COL23A1: variants seen among roughly 807,000 people sequenced by gnomAD.
COL23A1 encodes the protein collagen alpha-1(XXIII) chain.
Under a neutral mutation model 99.3 loss-of-function variants are expected in COL23A1, and 97 were observed. The ratio of observed to expected loss-of-function variants is 0.98; its 90% CI spans 0.83 to 1.16. COL23A1 has a LOEUF of 1.16. COL23A1 is among the 50% of genes most tolerant of loss of function. COL23A1 has a pLI of 0.00. For missense variants in COL23A1, 762 were observed against 757.4 expected, an observed-to-expected ratio of 1.01 and a Z score of -0.07; for synonymous variants, 320 against 308.2, an observed-to-expected ratio of 1.04 and a Z score of -0.40.
At chr5:178,246,568 C>A (rs1013550464) in intron 22 of COL23A1, 115 bp from the exon 23 acceptor site, 1 of 1,058,306 alleles carries the variant, frequency 9.4e-7, no homozygotes, top group Non-Finnish European at 1.4e-6. Context: ...GATCGAGGCT[C>A]CCCCAGGCCT....
At chr5:178,487,288 T>TTTTTTTTTTTTTTTTA (rs773272887) in intron 2 of COL23A1, among the ~76,000 whole-genome samples, 3 of 116,522 alleles carry the variant, frequency 2.6e-5, no homozygotes, top group South Asian at 2.8e-4. Flanking sequence ...CCAGCCTCAG[T>TTTTTTTTTTTTTTTTA]TTTATTTATT....
At position 178,500,940 on chromosome 5, in the gene COL23A1, A is replaced by G. The variant is rs564462102; in HGVS notation, c.361+59742T>C. 5.9e-5 allele frequency among the ~76,000 whole-genome samples: 9 copies of G among 152,310 alleles called. No individual in the cohort carries two copies. The East Asian group carries it at 1.7e-3, about 29-fold the overall frequency. On this transcript the variant is annotated intron_variant, in intron 2 of 28. Transcript: ENST00000390654. ...AATGAAGAAAGTCACAAACTGCGAAATATTTTCAATAGGTGTAACATGACT... is the reference window on the plus strand; with the variant it reads ...AATGAAGAAAGTCACAAACTGCGAAGTATTTTCAATAGGTGTAACATGACT...
chr5:178,492,680 TATG>T (rs1757994013), intron 2 of COL23A1, among the ~76,000 whole-genome samples: 1 of 151,356 alleles, frequency 6.6e-6, no homozygotes, highest in Admixed American at 6.6e-5. Context: ...CCACATCTCG[TATG>T]ACTCCACGTA....
At position 178,292,455 on chromosome 5, in the gene COL23A1, G is replaced by A. The variant is rs73804774; in HGVS notation, c.407-2086C>T. Among the ~76,000 whole-genome samples, 566 of 152,230 alleles carry A rather than the reference G, an allele frequency of 3.7e-3. 1 individual carries two copies. Among genetic ancestry groups the A allele is most frequent in the African/African-American group, 0.012 (504 of 41,522 alleles). Reference sequence around the variant, plus strand: ...AAGCCATCCCTTGATCACACACCCCGTTCTATTCCTGCCCTTCCTCTGCTC... The same window carrying A: ...AAGCCATCCCTTGATCACACACCCCATTCTATTCCTGCCCTTCCTCTGCTC... On this transcript the variant is annotated intron_variant, in intron 3 of 28. Transcript: ENST00000390654.
intron 2 of COL23A1, among the ~76,000 whole-genome samples, chr5:178,521,316 G>A (rs1759928358): frequency 6.6e-6 from 1 of 152,162 alleles, no homozygotes; most frequent in African/African-American, 2.4e-5. Flanking sequence ...CACTTTGGGA[G>A]GCCAAGGCAG....
chr5:178,266,136 G>A (rs1030918361), intron 8 of COL23A1, among the ~76,000 whole-genome samples: 1 of 152,098 alleles, frequency 6.6e-6, no homozygotes, highest in African/African-American at 2.4e-5. Context: ...TGCCTCCTGG[G>A]TTCAAGCAAT....
chr5:178,254,924 A>G, intron 16 of COL23A1, 25 bp downstream of exon 16: 1 of 1,587,226 alleles, frequency 6.3e-7, no homozygotes, highest in Non-Finnish European at 8.6e-7. Context: ...TCTAAGGCAC[A>G]TCCTGGTCCC....
At chr5:178,465,635 C>T (rs1165667648) in intron 2 of COL23A1, among the ~76,000 whole-genome samples, 1 of 152,192 alleles carries the variant, frequency 6.6e-6, no homozygotes, top group Non-Finnish European at 1.5e-5. Context: ...GCTTTCTGCC[C>T]CTCTCTAGAA....
At chr5:178,269,360 C>CTGT (rs1756103628) in intron 6 of COL23A1, among the ~76,000 whole-genome samples, 1 of 51,516 alleles carries the variant, frequency 1.9e-5, no homozygotes, top group Non-Finnish European at 7.1e-5. Flanking sequence ...CCCACCCACC[C>CTGT]ATCCACCCAC....
At chr5:178,355,104 A>G (rs1761563532) in intron 2 of COL23A1, among the ~76,000 whole-genome samples, 2 of 152,056 alleles carry the variant, frequency 1.3e-5, no homozygotes, top group African/African-American at 4.8e-5. Context: ...GTAACTGTTT[A>G]CATAGCATTT....
At chr5:178,338,649 G>T (rs1760487750) in intron 2 of COL23A1, among the ~76,000 whole-genome samples, 1 of 152,134 alleles carries the variant, frequency 6.6e-6, no homozygotes, top group Non-Finnish European at 1.5e-5. Context: ...GTTGCTCCTG[G>T]GTCACTGGCC....
At chr5:178,242,220 C>T (rs1764441918) in intron 26 of COL23A1, 92 bp from the exon 27 acceptor site, 3 of 1,455,822 alleles carry the variant, frequency 2.1e-6, no homozygotes, top group Admixed American at 2.0e-5. Flanking sequence ...GGGCCAGCCT[C>T]CCCCTGCCTC....
intron 4 of COL23A1, among the ~76,000 whole-genome samples, chr5:178,289,888 G>C (rs1757361640): frequency 6.6e-6 from 1 of 152,142 alleles, no homozygotes; most frequent in Non-Finnish European, 1.5e-5. Context: ...AATATAACAT[G>C]ACTCCTGTAT....
chr5:178,521,371 C>G (rs1176207462), intron 2 of COL23A1, among the ~76,000 whole-genome samples: 1 of 151,812 alleles, frequency 6.6e-6, no homozygotes, highest in South Asian at 2.1e-4. Context: ...GGCTAACACG[C>G]TGAAACCCCG....
intron 3 of COL23A1, among the ~76,000 whole-genome samples, chr5:178,290,762 C>T (rs1757414685): frequency 6.6e-6 from 1 of 151,890 alleles, no homozygotes. Context: ...ACATTTTGGA[C>T]AGAGAGAATA....
At chr5:178,380,832 T>C (rs978686271) in intron 2 of COL23A1, among the ~76,000 whole-genome samples, 67 of 152,266 alleles carry the variant, frequency 4.4e-4, no homozygotes, top group African/African-American at 1.5e-3. Flanking sequence ...ATATGAGTGC[T>C]TTCTGCCAGG....
intron 1 of COL23A1, among the ~76,000 whole-genome samples, chr5:178,565,466 T>G (rs1027238283): frequency 5.9e-5 from 9 of 152,218 alleles, no homozygotes; most frequent in African/African-American, 2.2e-4. Flanking sequence ...GAAGAGACAG[T>G]TCAAGCCTTC....
At chr5:178,369,123 G>A (rs572997503) in intron 2 of COL23A1, among the ~76,000 whole-genome samples, 2 of 152,336 alleles carry the variant, frequency 1.3e-5, no homozygotes, top group Admixed American at 6.5e-5. Flanking sequence ...TATTCAGTGC[G>A]GGTCAGGAGG....
intron 14 of COL23A1, 28 bp from the exon 15 acceptor site, chr5:178,256,425 G>A: frequency 1.1e-5 from 17 of 1,595,976 alleles, no homozygotes; most frequent in Non-Finnish European, 1.5e-5. Flanking sequence ...TGCAGCCAGA[G>A]GTGCAGCTGT....
Sources: allele counts gnomAD v4.1 joint callset (sites outside exome capture counted in the v4.1 genomes callset), GRCh38; gene constraint gnomAD v4.1.1; transcripts MANE v1.5; gene names NCBI Gene and HGNC (gene_info 2026-07-23, HGNC 2026-07-21).